KCNMA1: variants seen among roughly 807,000 people sequenced by gnomAD.
KCNMA1 encodes the protein Calcium-activated potassium channel subunit alpha-1.
Under a neutral mutation model 140.0 loss-of-function variants are expected in KCNMA1, and 29 were observed. The observed-to-expected ratio is 0.21, with a 90% confidence interval of 0.15 to 0.28. The LOEUF (loss-of-function observed/expected upper bound fraction) is 0.28. KCNMA1 is among the 10% of genes least tolerant of loss of function. The pLI is 1.00. For synonymous variants in KCNMA1, 612 were observed against 611.9 expected, an observed-to-expected ratio of 1.00 and a Z score of 0.00; for missense variants, 880 against 1,602.2, an observed-to-expected ratio of 0.55 and a Z score of 7.70.
At chr10:77,455,370 C>T (rs1302159847) in intron 1 of KCNMA1, among the ~76,000 whole-genome samples, 2 of 152,192 alleles carry the variant, frequency 1.3e-5, no homozygotes, top group Non-Finnish European at 2.9e-5. Context: ...TCACTGCAAT[C>T]ACAGGTCCAG....
At chr10:77,051,505 T>A (rs2095363599) in intron 14 of KCNMA1, among the ~76,000 whole-genome samples, 1 of 152,194 alleles carries the variant, frequency 6.6e-6, no homozygotes, top group Admixed American at 6.5e-5. Context: ...CACAGGAAGT[T>A]AGAAGCGATT....
At chr10:77,084,512 A>C (rs1249615116) in intron 12 of KCNMA1, 125 bp downstream of exon 12, 2 of 773,878 alleles carry the variant, frequency 2.6e-6, no homozygotes, top group East Asian at 2.7e-5. Context: ...GCAGCTGGTG[A>C]GTTGTACAGT....
intron 2 of KCNMA1, among the ~76,000 whole-genome samples, chr10:77,324,971 C>CTCTCTCTCTCTCTCTGTGTGTG (rs766240356): frequency 3.3e-5 from 3 of 90,378 alleles, no homozygotes; most frequent in African/African-American, 4.6e-5. Context: ...CTCTCTCTCT[C>CTCTCTCTCTCTCTCTGTGTGTG]TGTGTGTGTG....
chr10:77,382,644 C>T (rs1400276454), intron 2 of KCNMA1, among the ~76,000 whole-genome samples: 1 of 151,934 alleles, frequency 6.6e-6, no homozygotes, highest in African/African-American at 2.4e-5. Flanking sequence ...GCGGGTGGAT[C>T]ACCTGAGGTC....
rs562380899 is a variant in KCNMA1, at chr10:77,238,006, C to A, written c.602+13189G>T. ...AATGCCAGGCACCCCTGCCTGCCTC[C>A]CCACTGCCTCGCCTTCCCTGCACCA... On this transcript the variant is annotated intron_variant, in intron 3 of 27. Coordinates refer to ENST00000286628, the MANE Select transcript of KCNMA1 (RefSeq NM_001161352.2). Among the ~76,000 whole-genome samples, 4 of 152,292 alleles carry A rather than the reference C, an allele frequency of 2.6e-5. No individual in the cohort carries two copies. The East Asian group carries it at 7.7e-4, about 29-fold the overall frequency.
intron 2 of KCNMA1, among the ~76,000 whole-genome samples, chr10:77,259,101 A>C (rs909616367): frequency 5.9e-5 from 9 of 152,204 alleles, no homozygotes; most frequent in Non-Finnish European, 1.2e-4. Context: ...AGCACTATGA[A>C]ACATCACATT....
At chr10:77,215,303 G>A (rs530231306) in intron 3 of KCNMA1, among the ~76,000 whole-genome samples, 51 of 150,630 alleles carry the variant, frequency 3.4e-4, no homozygotes, top group African/African-American at 1.1e-3. Flanking sequence ...ACTAGATCAG[G>A]CCAGTGCCCT....
At chr10:77,529,189 T>C (rs1248778983) in intron 1 of KCNMA1, among the ~76,000 whole-genome samples, 1 of 152,112 alleles carries the variant, frequency 6.6e-6, no homozygotes, top group African/African-American at 2.4e-5. Flanking sequence ...TTGAGGGCAT[T>C]GTTGTTATGC....
intron 2 of KCNMA1, 57 bp downstream of exon 2, chr10:77,403,805 A>G: frequency 6.4e-7 from 1 of 1,553,162 alleles, no homozygotes; most frequent in East Asian, 2.3e-5. Flanking sequence ...TCATAAGCAA[A>G]GCCACCTTGG....
chr10:76,973,877 C>T (rs1350522109), intron 19 of KCNMA1: 3 of 152,168 alleles, frequency 2.0e-5, no homozygotes, highest in Admixed American at 1.3e-4. Flanking sequence ...ATTGCAACTC[C>T]CAGCCTTCCC....
intron 1 of KCNMA1, among the ~76,000 whole-genome samples, chr10:77,408,343 G>C (rs1260423332): frequency 6.6e-6 from 1 of 152,208 alleles, no homozygotes; most frequent in Admixed American, 6.5e-5. Flanking sequence ...TCCCAGTAGG[G>C]GCAGCCCGAT....
intron 6 of KCNMA1, among the ~76,000 whole-genome samples, chr10:77,119,936 A>T (rs2097559448): frequency 1.3e-5 from 2 of 152,240 alleles, no homozygotes; most frequent in South Asian, 4.1e-4. Flanking sequence ...CTAACACCCA[A>T]GGAGTAAAGC....
intron 1 of KCNMA1, among the ~76,000 whole-genome samples, chr10:77,542,528 C>T (rs970756145): frequency 1.3e-5 from 2 of 152,110 alleles, no homozygotes; most frequent in African/African-American, 4.8e-5. Flanking sequence ...TTTCTGTGGC[C>T]CTCCCCTAAG....
At chr10:77,121,567 C>T (rs2097595440) in intron 5 of KCNMA1, among the ~76,000 whole-genome samples, 2 of 150,244 alleles carry the variant, frequency 1.3e-5, no homozygotes. Flanking sequence ...CTATATTTTC[C>T]TCCCAATAAA....
chr10:77,274,681 G>A (rs1399507261), intron 2 of KCNMA1, among the ~76,000 whole-genome samples: 2 of 152,160 alleles, frequency 1.3e-5, no homozygotes, highest in African/African-American at 4.8e-5. Context: ...CACAAAGCCG[G>A]GCTGGCTAAC....
At chr10:77,392,598 C>G (rs1421711380) in intron 2 of KCNMA1, among the ~76,000 whole-genome samples, 1 of 152,220 alleles carries the variant, frequency 6.6e-6, no homozygotes, top group East Asian at 1.9e-4. Flanking sequence ...CAACATATGT[C>G]CAGCACATTG....
intron 18 of KCNMA1, 128 bp from the exon 19 acceptor site, chr10:77,001,708 AC>A: frequency 1.4e-6 from 1 of 716,532 alleles, no homozygotes. Context: ...AACAGTCTTG[AC>A]CCAGAAAAAA....
chr10:77,142,957 G>A (rs1409004950), intron 5 of KCNMA1, among the ~76,000 whole-genome samples: 1 of 152,140 alleles, frequency 6.6e-6, no homozygotes, highest in African/African-American at 2.4e-5. Context: ...GAAAATTTCA[G>A]GTTCAGGCAG....
Position 77,326,516 on chromosome 10 carries a change from C to CGTG in KCNMA1, c.541-75263_541-75261dup, listed in dbSNP as rs71477080. ...AGATTTGTCTGATGGTGAGGACGAG[C>CGTG]GTGGTGGTGGTGGTGGTGGTGGTGA... On this transcript the variant is annotated intron_variant, in intron 2 of 27. Coordinates refer to ENST00000286628, the MANE Select transcript of KCNMA1 (RefSeq NM_001161352.2). Among the ~76,000 whole-genome samples, 163 of 151,434 alleles carry CGTG rather than the reference C, an allele frequency of 1.1e-3. 1 individual carries two copies. Among genetic ancestry groups the CGTG allele is most frequent in the East Asian group, 8.8e-3 (45 of 5,118 alleles).
Sources: gnomAD v4.1 joint callset for allele counts (sites outside exome capture counted in the v4.1 genomes callset) on GRCh38, gnomAD v4.1.1 for gene constraint, MANE v1.5 for transcripts, NCBI Gene and HGNC (gene_info 2026-07-23, HGNC 2026-07-21) for gene names.